The following TMEM39B variants were observed in gnomAD, a reference collection of about 807,000 sequenced individuals.
TMEM39B encodes the protein transmembrane protein 39B.
In TMEM39B, 23 loss-of-function variants were observed where a neutral mutation model predicts 52.2. The observed-to-expected ratio is 0.44, with a 90% confidence interval of 0.32 to 0.62. TMEM39B has a LOEUF of 0.62. Among genes scored for constraint, TMEM39B ranks in the 20% least tolerant of loss-of-function variants. TMEM39B has a pLI of 0.06. For synonymous variants in TMEM39B, 285 were observed against 264.0 expected (o/e 1.08, Z -0.77); for missense variants, 547 against 642.0 (o/e 0.85, Z 1.60).
chr1:32,087,891 A>ACCCGCC (rs1421850155), intron 5 of TMEM39B: 5 of 148,672 alleles, frequency 3.4e-5, no homozygotes, highest in African/African-American at 1.2e-4. Context: ...CTCGTGATCC[A>ACCCGCC]TCCGCCTCAG....
At position 32,102,580 on chromosome 1, in the gene TMEM39B, C is replaced by T; in HGVS notation, c.1386C>T (p.Ala462=). 1.2e-6 allele frequency: 2 copies of T among 1,614,118 alleles called. No individual in the cohort carries two copies. Among genetic ancestry groups the T allele is most frequent in the South Asian group, 1.1e-5 (1 of 91,082 alleles). The stretch of plus-strand genomic sequence containing the variant: ...TCATCCTCTTCAGCAACTACTATGC[C>T]TTCTTCAAGCTGCTCCGGGACCGCT... The part of the protein sequence containing the change: ...LALILFSNYY[A]FFKLLRDRLV... The change falls in exon 9 of 9, where the codon GCC becomes GCT. Residue 462 remains alanine (A), a synonymous_variant. Coordinates refer to ENST00000336294, the MANE Select transcript of TMEM39B (RefSeq NM_018056.4).
intron 6 of TMEM39B, among the ~76,000 whole-genome samples, chr1:32,093,834 T>A (rs1392571322): frequency 1.3e-5 from 2 of 151,566 alleles, no homozygotes; most frequent in African/African-American, 4.9e-5. Flanking sequence ...TTGTTTTGTT[T>A]TTGAGACAGA....
chr1:32,084,386 T>C (rs149360319), intron 5 of TMEM39B, among the ~76,000 whole-genome samples: 112 of 152,272 alleles, frequency 7.4e-4, no homozygotes, highest in African/African-American at 2.6e-3. Flanking sequence ...CCTCCTGGGT[T>C]GGACCCCCTG....
rs920847925 is a variant in TMEM39B, at chr1:32,073,020, G to C, written c.-28G>C. The C allele has an allele frequency of 2.0e-5, 31 of 1,530,846 alleles. No homozygotes were observed. Among genetic ancestry groups the C allele is most frequent in the Middle Eastern group, 1.7e-4 (1 of 5,868 alleles). The allele number at this position is 1,530,846 out of a possible 1,614,324, so 94.8% of individuals were successfully genotyped here. ...CATATTGCCCGCAGGAGCTGCGGCG[G>C]CGAAGCGGAGAGCACCGGGGGGAGG... On this transcript the variant is annotated 5_prime_UTR_variant, in exon 1 of 9. Transcript: ENST00000336294.
Position 32,091,709 on chromosome 1 carries a change from T to G in TMEM39B, c.625T>G (p.Cys209Gly), listed in dbSNP as rs760015270. The stretch of plus-strand genomic sequence containing the variant: ...GTACATTCCGTTCCTGCAGCTGAAT[T>G]GCGACCTCCGCAAGACAAGCCTCTT... ...GMYIPFLQLN[C>G]DLRKTSLFNH... The change falls in exon 6 of 9, where the codon TGC (cysteine) becomes GGC (glycine). Residue 209 changes from cysteine (C) to glycine (G), a missense_variant. Transcript: ENST00000336294. 1.2e-6 allele frequency: 2 copies of G among 1,611,624 alleles called. No individual in the cohort carries two copies. Among genetic ancestry groups the G allele is most frequent in the Non-Finnish European group, 1.7e-6 (2 of 1,178,292 alleles).
At chr1:32,081,713 A>C (rs1381230195) in intron 5 of TMEM39B, among the ~76,000 whole-genome samples, 2 of 152,044 alleles carry the variant, frequency 1.3e-5, no homozygotes, top group Non-Finnish European at 2.9e-5. Flanking sequence ...GCACCACTGC[A>C]CTCCAGCCTG....
At chr1:32,075,140 T>G in intron 2 of TMEM39B, 63 bp downstream of exon 2, 1 of 1,489,268 alleles carries the variant, frequency 6.7e-7, no homozygotes, top group Non-Finnish European at 9.0e-7. Context: ...GACAGGGCTC[T>G]CTCTGACTGG....
At chr1:32,081,221 G>C (rs972591458) in intron 5 of TMEM39B, among the ~76,000 whole-genome samples, 2 of 147,310 alleles carry the variant, frequency 1.4e-5, no homozygotes, top group Non-Finnish European at 1.5e-5. Flanking sequence ...TTTGTTTACA[G>C]ACAGAGTCTG....
At chr1:32,083,992 CAG>C (rs72185537) in intron 5 of TMEM39B, among the ~76,000 whole-genome samples, 1 of 152,094 alleles carries the variant, frequency 6.6e-6, no homozygotes, top group South Asian at 2.1e-4. Flanking sequence ...TTCAGACACA[CAG>C]ACACACACAC....
Position 32,078,117 on chromosome 1 carries a change from C to T in TMEM39B, c.590+799C>T, listed in dbSNP as rs114786952. Among the ~76,000 whole-genome samples the T allele has an allele frequency of 1.5e-3, 222 of 152,168 alleles. 3 individuals carry two copies. Among genetic ancestry groups the T allele is most frequent in the African/African-American group, 5.2e-3 (218 of 41,530 alleles). On this transcript the variant is annotated intron_variant, in intron 5 of 8. Coordinates refer to ENST00000336294, the MANE Select transcript of TMEM39B (RefSeq NM_018056.4). ...AGAGCTGGCACCTCCCCCTTTCTACCCTGCATGTCCAAAAAGGCACTGGCA... is the reference window on the plus strand; with the variant it reads ...AGAGCTGGCACCTCCCCCTTTCTACTCTGCATGTCCAAAAAGGCACTGGCA...
intron 6 of TMEM39B, among the ~76,000 whole-genome samples, chr1:32,092,605 A>G (rs1640653060): frequency 6.6e-6 from 1 of 151,692 alleles, no homozygotes; most frequent in East Asian, 1.9e-4. Flanking sequence ...GTTCTCCTGC[A>G]TCAGCCTCCC....
chr1:32,081,436 C>T (rs1640097528), intron 5 of TMEM39B, among the ~76,000 whole-genome samples: 1 of 151,884 alleles, frequency 6.6e-6, no homozygotes, highest in Non-Finnish European at 1.5e-5. Flanking sequence ...TGTACCTAGC[C>T]TGCTTATTCT....
intron 8 of TMEM39B, 65 bp downstream of exon 8, chr1:32,100,627 AAT>A: frequency 6.2e-7 from 1 of 1,602,608 alleles, no homozygotes; most frequent in South Asian, 1.1e-5. Context: ...GCAGGGCAGG[AAT>A]GTGATGTCAT....
intron 5 of TMEM39B, among the ~76,000 whole-genome samples, chr1:32,081,404 T>C (rs1357653706): frequency 1.3e-5 from 2 of 151,964 alleles, no homozygotes; most frequent in African/African-American, 2.4e-5. Flanking sequence ...TCTGAGTAGT[T>C]GGAACTACAG....
chr1:32,084,856 G>A (rs1053736584), intron 5 of TMEM39B, among the ~76,000 whole-genome samples: 10 of 152,046 alleles, frequency 6.6e-5, no homozygotes, highest in Admixed American at 2.6e-4. Flanking sequence ...GTGAGCCATC[G>A]CACCCAGTCT....
intron 5 of TMEM39B, among the ~76,000 whole-genome samples, chr1:32,089,673 GTC>G (rs1640522790): frequency 6.7e-6 from 1 of 148,894 alleles, no homozygotes; most frequent in Non-Finnish European, 1.5e-5. Context: ...TTTAAATGGA[GTC>G]TCACTCTGTT....
chr1:32,094,979 AC>A lies in TMEM39B; in HGVS notation c.1115+11del, dbSNP rs1201788861. 2 of 1,611,880 alleles carry A rather than the reference AC, an allele frequency of 1.2e-6. No individual in the cohort carries two copies. Among genetic ancestry groups the A allele is most frequent in the Non-Finnish European group, 1.7e-6 (2 of 1,179,556 alleles). On this transcript the variant is annotated intron_variant, in intron 7 of 8. Transcript: ENST00000336294. The stretch of plus-strand genomic sequence containing the variant: ...CAACGTGCTGCAGCACCCGTGAGTC[AC>A]CCTACCCTGCTCAACCCAATCCCAG...
chr1:32,073,890 C>G, intron 1 of TMEM39B: 2 of 985,238 alleles, frequency 2.0e-6, no homozygotes, highest in Non-Finnish European at 2.4e-6. Context: ...CAGGTTATAA[C>G]TTTTTAAAAA....
At chr1:32,082,273 C>G (rs1463066188) in intron 5 of TMEM39B, among the ~76,000 whole-genome samples, 1 of 151,966 alleles carries the variant, frequency 6.6e-6, no homozygotes, top group Non-Finnish European at 1.5e-5. Context: ...TCCTATGTAA[C>G]CACATTTAAG....
Sources: allele counts gnomAD v4.1 joint callset (sites outside exome capture counted in the v4.1 genomes callset), GRCh38; gene constraint gnomAD v4.1.1; transcripts MANE v1.5; gene names NCBI Gene and HGNC (gene_info 2026-07-23, HGNC 2026-07-21).